Variants in TCEA3 observed in about 807,000 individuals in gnomAD.
The protein encoded by TCEA3 is transcription elongation factor A3.
Under a neutral mutation model 44.0 loss-of-function variants are expected in TCEA3, and 36 were observed. The ratio of observed to expected loss-of-function variants is 0.82; its 90% CI spans 0.63 to 1.08. The LOEUF is 1.08. Ranked by LOEUF, TCEA3 falls within the 50% of genes least tolerant of loss-of-function variation. The probability of loss-of-function intolerance (pLI) is 0.00; values close to 1 mark genes in which losing one functional copy is unlikely to be tolerated. For synonymous variants in TCEA3, 162 were observed against 159.7 expected (o/e 1.01, Z -0.11); for missense variants, 392 against 441.2 (o/e 0.89, Z 1.00).
intron 5 of TCEA3, among the ~76,000 whole-genome samples, chr1:23,402,177 T>A (rs992173065): frequency 6.6e-6 from 1 of 152,134 alleles, no homozygotes; most frequent in Non-Finnish European, 1.5e-5. Context: ...CTGTCTGTAC[T>A]AAACATATAA....
At chr1:23,424,510 G>A (rs1640160774) in intron 1 of TCEA3, 55 bp downstream of exon 1, 1 of 1,526,808 alleles carries the variant, frequency 6.5e-7, no homozygotes, top group Non-Finnish European at 9.0e-7. Context: ...CGGAATCCGG[G>A]GCTTGCCCGC....
chr1:23,422,324 CT>C (rs1414396671), intron 1 of TCEA3, among the ~76,000 whole-genome samples: 1 of 152,128 alleles, frequency 6.6e-6, no homozygotes, highest in East Asian at 1.9e-4. Context: ...GGTTCAGTTG[CT>C]TGTTTAACTA....
chr1:23,403,054 C>T (rs1292042132), intron 5 of TCEA3, among the ~76,000 whole-genome samples: 1 of 151,860 alleles, frequency 6.6e-6, no homozygotes, highest in African/African-American at 2.4e-5. Flanking sequence ...TCTGTCAACT[C>T]CCAGGACCCA....
At chr1:23,421,299 AAG>A (rs1640058384) in intron 1 of TCEA3, among the ~76,000 whole-genome samples, 1 of 152,184 alleles carries the variant, frequency 6.6e-6, no homozygotes, top group Admixed American at 6.5e-5. Context: ...CAATCCAAGA[AAG>A]AGAGAGGTTA....
intron 8 of TCEA3, among the ~76,000 whole-genome samples, chr1:23,389,830 G>A (rs539957055): frequency 2.0e-5 from 3 of 152,196 alleles, no homozygotes; most frequent in Non-Finnish European, 4.4e-5. Flanking sequence ...AGCTGCTAAT[G>A]TGATATAACT....
intron 9 of TCEA3, among the ~76,000 whole-genome samples, chr1:23,384,662 CT>C (rs11341961): frequency 0.12 from 14,330 of 116,316 alleles, 524 homozygotes; most frequent in South Asian, 0.21. Context: ...TGCACTTCCG[CT>C]TTTTTTTTTT....
At chr1:23,397,625 G>C in intron 6 of TCEA3, 24 bp from the exon 7 acceptor site, 2 of 1,612,536 alleles carry the variant, frequency 1.2e-6, no homozygotes, top group Non-Finnish European at 1.7e-6. Context: ...GAGAAATACA[G>C]GTATCAGCCA....
At chr1:23,383,275 A>G (rs1184375383) in intron 10 of TCEA3, among the ~76,000 whole-genome samples, 15 of 46,650 alleles carry the variant, frequency 3.2e-4, no homozygotes, top group African/African-American at 6.7e-4. Flanking sequence ...GCGAGACTCC[A>G]TCTCAAAAAA....
Position 23,417,949 on chromosome 1 carries a change from C to A in TCEA3, c.193G>T (p.Val65Leu), listed in dbSNP as rs1410729220. Residue 65 changes from valine (V) to leucine (L), a missense_variant, in exon 3 of 11, where the codon GTG becomes TTG. Transcript: ENST00000450454. ...TTGATAAGGACTTTGGCCAAGGACACCACCTCCTTGTCTGAGCAGTGCTTG... is the reference window on the plus strand; with the variant it reads ...TTGATAAGGACTTTGGCCAAGGACAACACCTCCTTGTCTGAGCAGTGCTTG... Reference protein sequence around the residue: ...VRKHCSDKEVVSLAKVLIKNW... With the variant: ...VRKHCSDKEVLSLAKVLIKNW... The A allele has an allele frequency of 2.5e-6, 4 of 1,613,956 alleles. No individual in the cohort carries two copies. The highest frequency in any genetic ancestry group is 2.2e-5 in the East Asian group (1 of 44,904).
chr1:23,393,873 T>C lies in TCEA3; in HGVS notation c.819+6A>G, dbSNP rs1298656908. On this transcript the variant is annotated splice_donor_region_variant and intron_variant, in intron 8 of 10. Coordinates refer to ENST00000450454, the MANE Select transcript of TCEA3 (RefSeq NM_003196.3). ...CTGCCTCACCATGCAGATGCCCTGC[T>C]CTCACCTCTGCCGTCATCTTGGCTA... The C allele has an allele frequency of 1.2e-6, 2 of 1,612,808 alleles. No individual in the cohort carries two copies. Among genetic ancestry groups the C allele is most frequent in the Non-Finnish European group, 8.5e-7 (1 of 1,179,756 alleles).
chr1:23,397,614 C>A lies in TCEA3; in HGVS notation c.608-13G>T. 1 of 1,613,208 alleles carries A rather than the reference C, an allele frequency of 6.2e-7. No individual in the cohort carries two copies. Among genetic ancestry groups the A allele is most frequent in the East Asian group, 2.2e-5 (1 of 44,884 alleles). On this transcript the variant is annotated splice_polypyrimidine_tract_variant and intron_variant, in intron 6 of 10. Transcript: ENST00000450454. ...TCCTTGTAATCATCTAAAAGAGATTCGAGAAATACAGGTATCAGCCAGACA... is the reference window on the plus strand; with the variant it reads ...TCCTTGTAATCATCTAAAAGAGATTAGAGAAATACAGGTATCAGCCAGACA...
In TCEA3 at chr1:23,397,581, C is replaced by A. The variant is rs756403857; in HGVS notation, c.628G>T (p.Val210Phe). ...TCTGATGCCATCTTGTCACAGTTGA[C>A]TCCATAGTCCTTGTAATCATCTAAA... ...KADDDYKDYGVNCDKMASEIE... is the reference protein window; with the variant it reads ...KADDDYKDYGFNCDKMASEIE... The change falls in exon 7 of 11, where the codon GTC (valine) becomes TTC (phenylalanine). Residue 210 changes from valine (V) to phenylalanine (F), a missense_variant. Transcript: ENST00000450454. 7.4e-6 allele frequency: 12 copies of A among 1,613,744 alleles called. No homozygotes were observed. The South Asian group carries it at 1.3e-4, about 18-fold the overall frequency.
At chr1:23,422,469 C>G (rs1640093207) in intron 1 of TCEA3, among the ~76,000 whole-genome samples, 1 of 152,170 alleles carries the variant, frequency 6.6e-6, no homozygotes, top group African/African-American at 2.4e-5. Context: ...GCTGAGACTT[C>G]AGCAACCGGC....
intron 2 of TCEA3, 105 bp from the exon 3 acceptor site, chr1:23,418,114 C>T: frequency 1.8e-6 from 2 of 1,114,836 alleles, no homozygotes; most frequent in Non-Finnish European, 2.6e-6. Context: ...CCCCTTCCAA[C>T]CTGGACCCCC....
intron 5 of TCEA3, chr1:23,404,085 G>A: frequency 1.4e-6 from 1 of 702,244 alleles, no homozygotes; most frequent in South Asian, 1.5e-5. Context: ...TCTGAGTAGA[G>A]GCATCTGGAG....
rs564500249 is a variant in TCEA3 at position 23,412,170 on chromosome 1, C to G, written c.381-3444G>C. 22 of 152,314 alleles carry G rather than the reference C, an allele frequency of 1.4e-4. No homozygotes were observed. The East Asian group carries it at 4.1e-3, about 28-fold the overall frequency. The allele number at this position is 152,314 out of a possible 1,614,324, so 9.4% of individuals were successfully genotyped here. Reference sequence around the variant, plus strand: ...AGGCATAGAATGGGTGATTCTTCTTCGGCCATTGTTTGCTACAGTCTCATT... The same window carrying G: ...AGGCATAGAATGGGTGATTCTTCTTGGGCCATTGTTTGCTACAGTCTCATT... On this transcript the variant is annotated intron_variant, in intron 4 of 10. Transcript: ENST00000450454.
chr1:23,393,484 G>A (rs1490638561), intron 8 of TCEA3, among the ~76,000 whole-genome samples: 1 of 151,792 alleles, frequency 6.6e-6, no homozygotes, highest in African/African-American at 2.4e-5. Flanking sequence ...CACTCCACAC[G>A]TACAGCCCCC....
At chr1:23,390,447 C>T (rs750726095) in intron 8 of TCEA3, among the ~76,000 whole-genome samples, 1 of 152,092 alleles carries the variant, frequency 6.6e-6, no homozygotes, top group Non-Finnish European at 1.5e-5. Flanking sequence ...TGCCATTGCA[C>T]TCCAGCCTGG....
Position 23,389,091 on chromosome 1 carries a change from T to C in TCEA3, c.820-1672A>G, listed in dbSNP as rs183746810. On this transcript the variant is annotated intron_variant, in intron 8 of 10. Coordinates refer to ENST00000450454, the MANE Select transcript of TCEA3 (RefSeq NM_003196.3). Reference sequence around the variant, plus strand: ...GGCCCTAACCAATGGCAGGAGAATATAGAAAAACAAGTCAATGAAAGCCAT... The same window carrying C: ...GGCCCTAACCAATGGCAGGAGAATACAGAAAAACAAGTCAATGAAAGCCAT... Among the ~76,000 whole-genome samples the C allele has an allele frequency of 2.6e-5, 4 of 152,268 alleles. 1 individual carries two copies. Among genetic ancestry groups the C allele is most frequent in the East Asian group, 3.9e-4 (2 of 5,184 alleles).
Sources: allele counts gnomAD v4.1 joint callset (sites outside exome capture counted in the v4.1 genomes callset), GRCh38; gene constraint gnomAD v4.1.1; transcripts MANE v1.5; gene names NCBI Gene and HGNC (gene_info 2026-07-23, HGNC 2026-07-21).